Variants in STK38L observed in about 807,000 individuals in gnomAD.
The protein encoded by STK38L is serine/threonine-protein kinase 38-like.
A neutral mutation model predicts 59.7 loss-of-function variants in STK38L; 28 were observed. That is an observed-to-expected ratio of 0.47 (90% CI 0.35 to 0.64). STK38L has a LOEUF of 0.64. Among genes scored for constraint, STK38L ranks in the 30% least tolerant of loss-of-function variants. The probability of loss-of-function intolerance (pLI) is 0.01; values close to 1 mark genes in which losing one functional copy is unlikely to be tolerated. For missense variants in STK38L, 314 were observed against 555.8 expected, an observed-to-expected ratio of 0.56 and a Z score of 4.37; for synonymous variants, 162 against 176.8, an observed-to-expected ratio of 0.92 and a Z score of 0.66.
intron 1 of STK38L, among the ~76,000 whole-genome samples, chr12:27,263,067 A>G (rs1257136725): frequency 6.6e-6 from 1 of 152,192 alleles, no homozygotes; most frequent in Non-Finnish European, 1.5e-5. Context: ...CTGGGATTAC[A>G]GGCGTAAGTC....
At chr12:27,309,081 A>C in intron 4 of STK38L, 33 bp from the exon 5 acceptor site, 1 of 1,469,496 alleles carries the variant, frequency 6.8e-7, no homozygotes, top group Non-Finnish European at 9.1e-7. Context: ...AATAGTAGTG[A>C]CTGTTTTATA....
chr12:27,313,266 AT>A (rs373609577), intron 6 of STK38L, among the ~76,000 whole-genome samples: 20,882 of 142,652 alleles, frequency 0.15, 1,624 homozygotes, highest in Non-Finnish European at 0.19. Flanking sequence ...AAAAAAAAAA[AT>A]ACCTGAGACT....
At chr12:27,261,441 T>C (rs1943202284) in intron 1 of STK38L, among the ~76,000 whole-genome samples, 1 of 152,226 alleles carries the variant, frequency 6.6e-6, no homozygotes, top group South Asian at 2.1e-4. Context: ...TTAATACCCA[T>C]ATTCTGGGCA....
chr12:27,262,475 A>G (rs1375033224), intron 1 of STK38L, among the ~76,000 whole-genome samples: 1 of 152,156 alleles, frequency 6.6e-6, no homozygotes, highest in Non-Finnish European at 1.5e-5. Context: ...AAAACATTAC[A>G]TTTTCCATGG....
chr12:27,300,628 T>C (rs1944145088), intron 2 of STK38L: 2 of 455,958 alleles, frequency 4.4e-6, no homozygotes, highest in South Asian at 3.1e-5. Context: ...CAGAATCTGA[T>C]GTTAGGAGAT....
chr12:27,318,054 T>C (rs751782456), intron 11 of STK38L, 35 bp downstream of exon 11: 1 of 1,609,208 alleles, frequency 6.2e-7, no homozygotes, highest in Non-Finnish European at 8.5e-7. Flanking sequence ...GTTCATAGTG[T>C]CTTAAAACTT....
At chr12:27,295,333 T>G (rs1044488530) in intron 1 of STK38L, among the ~76,000 whole-genome samples, 1 of 152,178 alleles carries the variant, frequency 6.6e-6, no homozygotes. Context: ...AGAGCAAATA[T>G]TTTAAGCCCT....
chr12:27,286,887 T>TA (rs1378908364), intron 1 of STK38L, among the ~76,000 whole-genome samples: 2 of 152,178 alleles, frequency 1.3e-5, no homozygotes, highest in Non-Finnish European at 1.5e-5. Flanking sequence ...ATAGGGAACA[T>TA]ACTGCATAAT....
chr12:27,262,709 TAAA>T (rs11350734), intron 1 of STK38L, among the ~76,000 whole-genome samples: 20 of 133,002 alleles, frequency 1.5e-4, no homozygotes, highest in South Asian at 2.4e-4. Flanking sequence ...TATCTCTAAT[TAAA>T]AAAAAAAAAA....
At chr12:27,251,658 G>A (rs778015423) in intron 1 of STK38L, among the ~76,000 whole-genome samples, 1 of 152,202 alleles carries the variant, frequency 6.6e-6, no homozygotes, top group Non-Finnish European at 1.5e-5. Flanking sequence ...TGAAATAAAT[G>A]ATATAATCAA....
chr12:27,324,826 A>C lies in STK38L; in HGVS notation c.*2371A>C, dbSNP rs2136656264. The C allele has an allele frequency of 6.6e-6, 1 of 152,260 alleles. No individual in the cohort carries two copies. Among genetic ancestry groups the C allele is most frequent in the South Asian group, 2.1e-4 (1 of 4,824 alleles). The allele number at this position is 152,260 out of a possible 1,614,324, so 9.4% of individuals were successfully genotyped here. A position where few individuals can be genotyped will look rare whatever the true frequency, so the allele number is the denominator to read the frequency against. Reference sequence around the variant, plus strand: ...TGCAAATTAACTAGATAATTTGCAAAGTACCCTTGAGATTGAATTTTCTCT... The same window carrying C: ...TGCAAATTAACTAGATAATTTGCAACGTACCCTTGAGATTGAATTTTCTCT... On this transcript the variant is annotated 3_prime_UTR_variant, in exon 14 of 14. Transcript: ENST00000389032.
intron 1 of STK38L, among the ~76,000 whole-genome samples, chr12:27,246,809 T>A (rs557712203): frequency 6.6e-6 from 1 of 152,134 alleles, no homozygotes; most frequent in South Asian, 2.1e-4. Flanking sequence ...CAGGGTATTA[T>A]TGTTCAGAAT....
intron 1 of STK38L, among the ~76,000 whole-genome samples, chr12:27,269,905 A>G (rs1943383867): frequency 1.3e-5 from 2 of 152,168 alleles, no homozygotes; most frequent in South Asian, 2.1e-4. Context: ...GGCCTCCCAA[A>G]GTGTTGAGAT....
At chr12:27,299,792 GA>G (rs987497483) in intron 2 of STK38L, among the ~76,000 whole-genome samples, 16 of 146,248 alleles carry the variant, frequency 1.1e-4, no homozygotes, top group African/African-American at 3.5e-4. Context: ...ATTGGAATGA[GA>G]AAAAAAAAGT....
At chr12:27,265,797 A>G (rs751926990) in intron 1 of STK38L, among the ~76,000 whole-genome samples, 7 of 152,214 alleles carry the variant, frequency 4.6e-5, no homozygotes, top group Non-Finnish European at 1.0e-4. Flanking sequence ...CTGTATTAAT[A>G]TATCTGTATC....
intron 1 of STK38L, among the ~76,000 whole-genome samples, chr12:27,286,869 A>G (rs1250177070): frequency 4.6e-5 from 7 of 152,158 alleles, no homozygotes; most frequent in African/African-American, 7.2e-5. Context: ...TATTGTGACT[A>G]CTTTCATATA....
intron 5 of STK38L, among the ~76,000 whole-genome samples, chr12:27,310,828 G>A (rs1350232521): frequency 2.0e-5 from 3 of 152,108 alleles, no homozygotes; most frequent in African/African-American, 7.2e-5. Context: ...AAATCTCTCC[G>A]TAGCCTAACG....
intron 3 of STK38L, among the ~76,000 whole-genome samples, chr12:27,307,788 T>G (rs958097498): frequency 6.6e-6 from 1 of 152,232 alleles, no homozygotes. Flanking sequence ...AATGACTTCT[T>G]CTTGTAATTG....
chr12:27,268,163 A>G (rs1466278078), intron 1 of STK38L, among the ~76,000 whole-genome samples: 1 of 150,602 alleles, frequency 6.6e-6, no homozygotes, highest in Non-Finnish European at 1.5e-5. Flanking sequence ...CGTGTGCACA[A>G]TGTGCATGTT....
Sources: allele counts gnomAD v4.1 joint callset (sites outside exome capture counted in the v4.1 genomes callset), GRCh38; gene constraint gnomAD v4.1.1; transcripts MANE v1.5; gene names NCBI Gene and HGNC (gene_info 2026-07-23, HGNC 2026-07-21).